Variants in KCNH7 observed in about 807,000 individuals in gnomAD.
KCNH7 encodes the protein potassium voltage-gated channel subfamily H member 7.
Under a neutral mutation model 120.8 loss-of-function variants are expected in KCNH7, and 49 were observed. The observed-to-expected ratio is 0.41, with a 90% confidence interval of 0.32 to 0.51. The LOEUF (loss-of-function observed/expected upper bound fraction) is 0.51. Among genes scored for constraint, KCNH7 ranks in the 20% least tolerant of loss-of-function variants. The pLI, the probability that KCNH7 is intolerant of heterozygous loss-of-function variation, is 0.38. For missense variants in KCNH7, 1,097 were observed against 1,446.6 expected (o/e 0.76, Z 3.92); for synonymous variants, 547 against 516.1 (o/e 1.06, Z -0.81).
At chr2:162,615,616 T>C (rs1038713527) in intron 2 of KCNH7, among the ~76,000 whole-genome samples, 9 of 152,156 alleles carry the variant, frequency 5.9e-5, no homozygotes, top group Non-Finnish European at 1.2e-4. Flanking sequence ...TAGAAAGTAT[T>C]ATCTATTGTT....
chr2:162,470,188 C>G (rs1689460238), intron 6 of KCNH7, among the ~76,000 whole-genome samples: 1 of 151,588 alleles, frequency 6.6e-6, no homozygotes, highest in Non-Finnish European at 1.5e-5. Flanking sequence ...ATGTGAGGAG[C>G]CCCTCTGCCT....
chr2:162,597,470 T>C (rs1165881339), intron 2 of KCNH7, among the ~76,000 whole-genome samples: 1 of 152,030 alleles, frequency 6.6e-6, no homozygotes, highest in Admixed American at 6.6e-5. Context: ...CTCACTTATA[T>C]GTGGAATCTA....
intron 2 of KCNH7, among the ~76,000 whole-genome samples, chr2:162,778,639 T>C (rs995331203): frequency 5.1e-5 from 7 of 137,768 alleles, no homozygotes; most frequent in African/African-American, 1.2e-4. Flanking sequence ...CTATATGCAA[T>C]AAATATCAAA....
rs1185113057 is a variant in KCNH7 at position 162,405,220 on chromosome 2, C to T, written c.2155-4779G>A. Among the ~76,000 whole-genome samples, 3 of 151,854 alleles carry T rather than the reference C, an allele frequency of 2.0e-5. No individual in the cohort carries two copies. In the East Asian group the frequency reaches 5.8e-4, roughly 30 times the overall value. ...CCCTTTACTTGAATTTATATGAATA[C>T]AACTCTTTGGGACTTTCAAAGTTAC... On this transcript the variant is annotated intron_variant, in intron 9 of 15. Transcript: ENST00000332142.
At chr2:162,766,864 TACAC>T (rs200638624) in intron 2 of KCNH7, among the ~76,000 whole-genome samples, 2,625 of 141,516 alleles carry the variant, frequency 0.019, 29 homozygotes, top group South Asian at 0.024. Flanking sequence ...CTAAGCACAT[TACAC>T]ACACACACAC....
At chr2:162,612,769 A>T (rs1350160973) in intron 2 of KCNH7, among the ~76,000 whole-genome samples, 2 of 152,086 alleles carry the variant, frequency 1.3e-5, no homozygotes, top group Non-Finnish European at 2.9e-5. Flanking sequence ...AATAGATTGA[A>T]ACACAGAAAA....
intron 4 of KCNH7, 37 bp from the exon 5 acceptor site, chr2:162,512,711 T>G: frequency 6.4e-7 from 1 of 1,552,162 alleles, no homozygotes; most frequent in Non-Finnish European, 8.9e-7. Context: ...AAGAGAAATA[T>G]AAAAAGAAGA....
At chr2:162,806,267 T>A (rs540637551) in intron 2 of KCNH7, among the ~76,000 whole-genome samples, 2 of 152,146 alleles carry the variant, frequency 1.3e-5, no homozygotes, top group African/African-American at 4.8e-5. Context: ...ATAAAATAAA[T>A]TTTAAGCTTA....
chr2:162,397,753 G>T (rs1332230892), intron 10 of KCNH7, among the ~76,000 whole-genome samples: 1 of 151,808 alleles, frequency 6.6e-6, no homozygotes, highest in Non-Finnish European at 1.5e-5. Flanking sequence ...ATGCTTAGGT[G>T]CATTGCCTCA....
chr2:162,729,844 GTT>G (rs1285266027), intron 2 of KCNH7, among the ~76,000 whole-genome samples: 3 of 151,944 alleles, frequency 2.0e-5, no homozygotes, highest in Non-Finnish European at 4.4e-5. Flanking sequence ...CTATTGGTTG[GTT>G]TTCATGCTGG....
chr2:162,610,760 C>T (rs1682936453), intron 2 of KCNH7, among the ~76,000 whole-genome samples: 1 of 152,118 alleles, frequency 6.6e-6, no homozygotes, highest in Non-Finnish European at 1.5e-5. Context: ...TCTTTTTCAC[C>T]TCTCTAAGTA....
chr2:162,458,125 G>A (rs559242933), intron 6 of KCNH7, among the ~76,000 whole-genome samples: 1 of 141,224 alleles, frequency 7.1e-6, no homozygotes, highest in African/African-American at 2.8e-5. Context: ...GTGTGTGTGT[G>A]TGTGTGTGTT....
intron 2 of KCNH7, among the ~76,000 whole-genome samples, chr2:162,735,437 C>A (rs1172012524): frequency 6.6e-6 from 1 of 152,178 alleles, no homozygotes; most frequent in Non-Finnish European, 1.5e-5. Flanking sequence ...TTGCTTATGG[C>A]ACCAGAGTCA....
At chr2:162,685,856 A>C (rs1685871600) in intron 2 of KCNH7, among the ~76,000 whole-genome samples, 1 of 152,152 alleles carries the variant, frequency 6.6e-6, no homozygotes, top group Non-Finnish European at 1.5e-5. Context: ...TAAATTAAAC[A>C]GGACATGAAA....
At chr2:162,570,702 A>T (rs1438174290) in intron 2 of KCNH7, among the ~76,000 whole-genome samples, 1 of 152,028 alleles carries the variant, frequency 6.6e-6, no homozygotes, top group Non-Finnish European at 1.5e-5. Context: ...TGCTTCCTTC[A>T]GGAGCTCTTT....
At chr2:162,735,832 C>A (rs1159017688) in intron 2 of KCNH7, among the ~76,000 whole-genome samples, 1 of 152,150 alleles carries the variant, frequency 6.6e-6, no homozygotes, top group Non-Finnish European at 1.5e-5. Flanking sequence ...AGTGCATTGG[C>A]TTTTCTGAGC....
At chr2:162,504,793 T>C (rs1690814269) in intron 5 of KCNH7, 136 bp from the exon 6 acceptor site, 1 of 627,542 alleles carries the variant, frequency 1.6e-6, no homozygotes, top group Non-Finnish European at 2.8e-6. Context: ...AGCTTATACC[T>C]GGACACAGGG....
rs1206937344 is a variant in KCNH7, at chr2:162,423,626, C to A, written c.1955-91G>T. 3.5e-6 allele frequency: 4 copies of A among 1,157,210 alleles called. No homozygotes were observed. In the East Asian group the frequency reaches 9.6e-5, roughly 28 times the overall value. 71.7% of individuals were successfully genotyped at this position (1,157,210 alleles called of 1,614,324 possible). ...TATCAAGCATGTGGATTTTGATTAT[C>A]TCAATCTAGTGGGGATTTACCATTG... On this transcript the variant is annotated intron_variant, in intron 8 of 15. Transcript: ENST00000332142.
At position 162,837,309 on chromosome 2, in the gene KCNH7, T is replaced by A. The variant is rs1005540873; in HGVS notation, c.77-542A>T. On this transcript the variant is annotated intron_variant, in intron 1 of 15. Coordinates refer to ENST00000332142, the MANE Select transcript of KCNH7 (RefSeq NM_033272.4). ...TAGCTTTAGTAATGAAACTACTTCATATTTAATAGCAATTCAACAAGGCAA... is the reference window on the plus strand; with the variant it reads ...TAGCTTTAGTAATGAAACTACTTCAAATTTAATAGCAATTCAACAAGGCAA... Among the ~76,000 whole-genome samples, 4 of 152,224 alleles carry A rather than the reference T, an allele frequency of 2.6e-5. No individual in the cohort carries two copies. The South Asian group carries it at 8.3e-4, about 31-fold the overall frequency.
Sources: gnomAD v4.1 joint callset for allele counts (sites outside exome capture counted in the v4.1 genomes callset) on GRCh38, gnomAD v4.1.1 for gene constraint, MANE v1.5 for transcripts, NCBI Gene and HGNC (gene_info 2026-07-23, HGNC 2026-07-21) for gene names.